Variants in SERP2 observed in about 807,000 individuals in gnomAD.
SERP2 encodes stress associated endoplasmic reticulum protein family member 2, also known as stress-associated endoplasmic reticulum protein 2.
SERP2 carries 6 observed loss-of-function variants against 9.1 expected under a neutral mutation model. The ratio of observed to expected loss-of-function variants is 0.66; its 90% CI spans 0.36 to 1.30. The LOEUF is 1.30. SERP2 is among the 50% of genes most tolerant of loss of function. The pLI is 0.03. For synonymous variants in SERP2, 37 were observed against 27.3 expected (o/e 1.35, Z -1.10); for missense variants, 58 against 81.9 (o/e 0.71, Z 1.13).
At chr13:44,390,521 C>A in intron 2 of SERP2, 1 of 446,392 alleles carries the variant, frequency 2.2e-6, no homozygotes. Context: ...TGGAGTTCAT[C>A]CTCGGGATCT....
At chr13:44,396,214 C>G (rs1355487758) in intron 2 of SERP2, 1 of 166,766 alleles carries the variant, frequency 6.0e-6, no homozygotes, top group African/African-American at 2.4e-5. Flanking sequence ...TCTTTCTATC[C>G]TTGAAGCGCA....
Position 44,397,291 on chromosome 13 carries a change from G to A in SERP2, c.177G>A (p.Gln59=), listed in dbSNP as rs1384368330. The change falls in exon 3 of 3, where the codon CAG becomes CAA. Residue 59 remains glutamine (Q), a synonymous_variant. Coordinates refer to ENST00000379179, the MANE Select transcript of SERP2 (RefSeq NM_001010897.3). ...TTTCAGCTATCTTTCAGATCATTCA[G>A]AGCATAAGGATGGGCATGTGAGAAA... ...VCGSAIFQII[Q]SIRMGM 6.2e-7 allele frequency: 1 copy of A among 1,613,830 alleles called. No homozygotes were observed. Among genetic ancestry groups the A allele is most frequent in the South Asian group, 1.1e-5 (1 of 91,076 alleles).
chr13:44,374,070 C>T lies in SERP2; in HGVS notation c.45C>T (p.Ser15=). 2.6e-6 allele frequency: 4 copies of T among 1,536,220 alleles called. No individual in the cohort carries two copies. Among genetic ancestry groups the T allele is most frequent in the Non-Finnish European group, 3.5e-6 (4 of 1,136,674 alleles). ...TCCGGATGGCTAACGAGAAGCACAG[C>T]AAAAACATCACCCAGAGGGGGAACG... ...QRIRMANEKH[S]KNITQRGNVA... The change falls in exon 1 of 3, where the codon AGC becomes AGT. Residue 15 remains serine, a synonymous_variant. Coordinates refer to ENST00000379179, the MANE Select transcript of SERP2 (RefSeq NM_001010897.3).
At chr13:44,385,730 T>C (rs1010195683) in intron 2 of SERP2, among the ~76,000 whole-genome samples, 3 of 152,164 alleles carry the variant, frequency 2.0e-5, no homozygotes, top group African/African-American at 7.2e-5. Flanking sequence ...GGACAAGGTA[T>C]TTACTCTTGG....
At chr13:44,396,743 C>G (rs1177642619) in intron 2 of SERP2, among the ~76,000 whole-genome samples, 2 of 152,170 alleles carry the variant, frequency 1.3e-5, no homozygotes, top group Non-Finnish European at 2.9e-5. Flanking sequence ...GAGACAGCCG[C>G]CTTTCAGAGA....
chr13:44,386,744 T>TA (rs1872340869), intron 2 of SERP2, among the ~76,000 whole-genome samples: 1 of 152,342 alleles, frequency 6.6e-6, no homozygotes, highest in African/African-American at 2.4e-5. Flanking sequence ...CAATACCTGT[T>TA]ATGGGTCTGC....
intron 2 of SERP2, among the ~76,000 whole-genome samples, chr13:44,382,858 A>G (rs541060920): frequency 6.6e-6 from 1 of 152,344 alleles, no homozygotes; most frequent in Admixed American, 6.5e-5. Context: ...GAGGCAGATA[A>G]GGAAGCTGTC....
chr13:44,378,873 T>G (rs528066118), intron 1 of SERP2, among the ~76,000 whole-genome samples: 55 of 152,336 alleles, frequency 3.6e-4, no homozygotes, highest in South Asian at 6.2e-4. Flanking sequence ...GCTTCATTCA[T>G]GCAGTTTTGA....
intron 2 of SERP2, among the ~76,000 whole-genome samples, chr13:44,389,029 G>A (rs1872486479): frequency 6.6e-6 from 1 of 152,218 alleles, no homozygotes; most frequent in Non-Finnish European, 1.5e-5. Flanking sequence ...CAAGTTTTGT[G>A]GCAAAATGTC....
chr13:44,374,181 G>GGGGGGGGGGC, intron 1 of SERP2, 72 bp downstream of exon 1: 1 of 448,634 alleles, frequency 2.2e-6, no homozygotes, highest in Non-Finnish European at 3.5e-6. Context: ...TGGGGGCGGG[G>GGGGGGGGGGC]CCGGGCGGGT....
rs891583737 is a variant in SERP2, at chr13:44,373,954, C to T, written c.-72C>T. On this transcript the variant is annotated 5_prime_UTR_variant, in exon 1 of 3. Coordinates refer to ENST00000379179, the MANE Select transcript of SERP2 (RefSeq NM_001010897.3). This position sits in a 1 kb window ranked among gnomAD's most constrained non-coding sequence, Gnocchi z 4.8. ...GGGCCGCGGGGGCCTCGGCGGGACG[C>T]GCTCGGCCCTGTCGCAGGAGCTAAC... is the stretch of plus-strand genomic sequence containing the variant. 3.8e-5 allele frequency: 54 copies of T among 1,404,716 alleles called. No homozygotes were observed. The South Asian group carries it at 6.6e-4, about 17-fold the overall frequency. 87.0% of individuals were successfully genotyped at this position (1,404,716 alleles called of 1,614,324 possible).
chr13:44,381,442 T>C (rs1871973270), intron 2 of SERP2, among the ~76,000 whole-genome samples: 1 of 152,100 alleles, frequency 6.6e-6, no homozygotes, highest in South Asian at 2.1e-4. Flanking sequence ...CTCAGGAGGC[T>C]GAGGCAGGAG....
intron 2 of SERP2, 35 bp from the exon 3 acceptor site, chr13:44,397,237 C>A: frequency 6.2e-7 from 1 of 1,604,630 alleles, no homozygotes; most frequent in Non-Finnish European, 8.5e-7. Flanking sequence ...TGTGTGCAGT[C>A]TGGTGTCTGA....
chr13:44,397,138 T>C (rs1309718553), intron 2 of SERP2, 134 bp from the exon 3 acceptor site: 1 of 711,098 alleles, frequency 1.4e-6, no homozygotes, highest in Non-Finnish European at 2.5e-6. Context: ...CTTAACTCCT[T>C]GTTAGGAAAT....
At chr13:44,390,551 C>T (rs997025712) in intron 2 of SERP2, 7 of 412,400 alleles carry the variant, frequency 1.7e-5, no homozygotes, top group East Asian at 7.3e-5. Flanking sequence ...AGCCTGAAGA[C>T]ATCTCATCAG....
chr13:44,376,525 A>C (rs1442669576), intron 1 of SERP2, among the ~76,000 whole-genome samples: 1 of 152,188 alleles, frequency 6.6e-6, no homozygotes, highest in African/African-American at 2.4e-5. Context: ...CTGTAATCTC[A>C]GCACTTTCGG....
At chr13:44,384,600 G>A (rs1340566881) in intron 2 of SERP2, among the ~76,000 whole-genome samples, 1 of 152,178 alleles carries the variant, frequency 6.6e-6, no homozygotes, top group East Asian at 1.9e-4. Context: ...GCACTGGAGT[G>A]TCTTGTAGGA....
intron 1 of SERP2, among the ~76,000 whole-genome samples, chr13:44,376,216 T>G (rs899461078): frequency 3.3e-5 from 5 of 152,260 alleles, no homozygotes; most frequent in African/African-American, 1.2e-4. Context: ...AAATTTTCTT[T>G]CAAAGAGAAA....
intron 2 of SERP2, among the ~76,000 whole-genome samples, chr13:44,393,737 G>A (rs1048570873): frequency 4.6e-5 from 7 of 152,084 alleles, no homozygotes; most frequent in African/African-American, 4.8e-5. Flanking sequence ...CCCATTTGCC[G>A]CCTCAGAAAG....
Sources: gnomAD v4.1 joint callset for allele counts (sites outside exome capture counted in the v4.1 genomes callset) on GRCh38, gnomAD v4.1.1 for gene constraint, Gnocchi (gnomAD v3.1) non-coding constraint, MANE v1.5 for transcripts, NCBI Gene and HGNC (gene_info 2026-07-23, HGNC 2026-07-21) for gene names.